The following HHLA2 variants were observed in gnomAD, a reference collection of about 807,000 sequenced individuals.
The protein encoded by HHLA2 is HHLA2 member of B7 family.
Under a neutral mutation model 45.9 loss-of-function variants are expected in HHLA2, and 48 were observed. That is an observed-to-expected ratio of 1.05 (90% confidence interval 0.83 to 1.33). HHLA2 has a LOEUF of 1.33. HHLA2 is among the 40% of genes most tolerant of loss of function. HHLA2 has a pLI of 0.00. For missense variants in HHLA2, 462 were observed against 494.3 expected (o/e 0.93, Z 0.62); for synonymous variants, 161 against 173.9 (o/e 0.93, Z 0.59).
At chr3:108,323,551 C>T (rs1361370785) in intron 2 of HHLA2, among the ~76,000 whole-genome samples, 2 of 152,150 alleles carry the variant, frequency 1.3e-5, no homozygotes, top group Admixed American at 1.3e-4. Context: ...TCTCTTCACA[C>T]CTTGTCAACA....
intron 6 of HHLA2, among the ~76,000 whole-genome samples, chr3:108,357,526 A>AT (rs1283577643): frequency 5.3e-5 from 8 of 152,232 alleles, no homozygotes; most frequent in East Asian, 1.9e-4. Flanking sequence ...ATTGAGTTTA[A>AT]TAGGCTAGTA....
chr3:108,357,819 GT>G (rs758145952), intron 6 of HHLA2, 24 bp from the exon 6 acceptor site: 79 of 1,550,702 alleles, frequency 5.1e-5, no homozygotes, highest in Admixed American at 3.1e-4. Context: ...CTTCATTGAT[GT>G]TTTCTTTTCT....
In HHLA2 at chr3:108,312,323, C is replaced by A. The variant is rs534619601; in HGVS notation, c.-105+1582C>A. Among the ~76,000 whole-genome samples the A allele has an allele frequency of 2.0e-5, 3 of 152,360 alleles. No homozygotes were observed. The East Asian group carries it at 5.8e-4, about 29-fold the overall frequency. ...TTTTCTGTAAGATAATAAATTTCTT[C>A]TTTATCAAAAACCTGTGGTGTTTCT... On this transcript the variant is annotated intron_variant, in intron 2 of 10. Transcript: ENST00000619531.
intron 3 of HHLA2, among the ~76,000 whole-genome samples, chr3:108,343,882 C>T (rs1421498205): frequency 6.6e-6 from 1 of 152,190 alleles, no homozygotes; most frequent in Non-Finnish European, 1.5e-5. Context: ...TTTCCAGCTT[C>T]GTAATTCAGT....
chr3:108,327,115 T>C (rs2107365373), intron 2 of HHLA2, among the ~76,000 whole-genome samples: 1 of 152,312 alleles, frequency 6.6e-6, no homozygotes, highest in East Asian at 1.9e-4. Flanking sequence ...CAATTTTGGG[T>C]TGGAAGTCCT....
chr3:108,310,263 G>A (rs1317038484), intron 1 of HHLA2, among the ~76,000 whole-genome samples: 4 of 152,046 alleles, frequency 2.6e-5, no homozygotes, highest in South Asian at 2.1e-4. Context: ...GATATTTATA[G>A]GAAAAACAAG....
chr3:108,300,961 A>G (rs2080838569), intron 1 of HHLA2, among the ~76,000 whole-genome samples: 1 of 152,174 alleles, frequency 6.6e-6, no homozygotes, highest in East Asian at 1.9e-4. Flanking sequence ...CAGCTGAAAT[A>G]TTTCATAGCA....
intron 3 of HHLA2, among the ~76,000 whole-genome samples, chr3:108,345,614 A>C (rs1296895515): frequency 1.3e-5 from 2 of 152,174 alleles, no homozygotes; most frequent in Non-Finnish European, 2.9e-5. Context: ...GGGAAAGCCA[A>C]CTTCAACATG....
chr3:108,361,218 C>G (rs1265271054), intron 7 of HHLA2, among the ~76,000 whole-genome samples: 4 of 152,192 alleles, frequency 2.6e-5, no homozygotes, highest in Non-Finnish European at 4.4e-5. Context: ...GTTTGTTACA[C>G]AAAGTCAACC....
intron 8 of HHLA2, among the ~76,000 whole-genome samples, chr3:108,364,168 A>T (rs1446151855): frequency 6.6e-6 from 1 of 151,860 alleles, no homozygotes; most frequent in African/African-American, 2.4e-5. Context: ...AACAGGCCCC[A>T]GTGTGTGATG....
At chr3:108,378,185 C>G (rs963684466) in exon 11 of HHLA2, 2 of 152,222 alleles carry the variant, frequency 1.3e-5, no homozygotes, top group African/African-American at 4.8e-5. Context: ...AACCCAAAAC[C>G]TATAAGAACT....
At chr3:108,322,440 T>G (rs1369377480) in intron 2 of HHLA2, among the ~76,000 whole-genome samples, 6 of 152,162 alleles carry the variant, frequency 3.9e-5, no homozygotes, top group Admixed American at 3.9e-4. Context: ...TTAAATCGTT[T>G]AAGAGTCTGA....
At position 108,366,933 on chromosome 3, in the gene HHLA2, A is replaced by T. The variant is rs2082074530; in HGVS notation, c.1108+4487A>T. On this transcript the variant is annotated intron_variant, in intron 8 of 10. Coordinates refer to ENST00000619531, the Ensembl canonical transcript of HHLA2. ...TTTCAAAATAGCAGCTCCTGGGTTG[A>T]CAGACACCTCATACAGGAGATCTCC... Among the ~76,000 whole-genome samples, 4 of 152,148 alleles carry T rather than the reference A, an allele frequency of 2.6e-5. No individual in the cohort carries two copies. In the South Asian group the frequency reaches 8.3e-4, roughly 32 times the overall value.
chr3:108,320,418 G>A (rs1411573469), intron 2 of HHLA2, among the ~76,000 whole-genome samples: 5 of 152,206 alleles, frequency 3.3e-5, no homozygotes, highest in East Asian at 1.9e-4. Context: ...AAGCAATTGC[G>A]GTTTTTGTCA....
intron 2 of HHLA2, chr3:108,325,389 C>A: frequency 3.2e-6 from 1 of 309,084 alleles, no homozygotes; most frequent in Non-Finnish European, 6.2e-6. Flanking sequence ...ATCTTTGTAG[C>A]AGGTAGGCCT....
At chr3:108,349,843 T>C (rs952003990) in intron 3 of HHLA2, among the ~76,000 whole-genome samples, 1 of 152,096 alleles carries the variant, frequency 6.6e-6, no homozygotes, top group Non-Finnish European at 1.5e-5. Flanking sequence ...GGAAAAGAGA[T>C]GAGAACAGGG....
At chr3:108,320,490 T>G (rs2081179737) in intron 2 of HHLA2, among the ~76,000 whole-genome samples, 1 of 152,232 alleles carries the variant, frequency 6.6e-6, no homozygotes. Flanking sequence ...CCTCCTGCAT[T>G]TGCTGATTCT....
chr3:108,362,490 G>C (rs199554384), intron 8 of HHLA2, 44 bp downstream of exon 7: 1 of 1,212,798 alleles, frequency 8.2e-7, no homozygotes, highest in African/African-American at 1.5e-5. Flanking sequence ...TCCACATCAC[G>C]TATATTAAAG....
rs1408264606 is a variant in HHLA2, at chr3:108,361,892, G to A, written c.1004-450G>A. Among the ~76,000 whole-genome samples, 4 of 152,000 alleles carry A rather than the reference G, an allele frequency of 2.6e-5. No individual in the cohort carries two copies. In the South Asian group the frequency reaches 8.3e-4, roughly 32 times the overall value. On this transcript the variant is annotated intron_variant, in intron 7 of 10. Coordinates refer to ENST00000619531, the Ensembl canonical transcript of HHLA2. ...ACTGCACTCTTACTTCATCCTCCAA[G>A]GTGAACACTGGGCTGAGGCTAATTT...
Sources: allele counts gnomAD v4.1 joint callset (sites outside exome capture counted in the v4.1 genomes callset), GRCh38; gene constraint gnomAD v4.1.1; transcripts MANE v1.5; gene names NCBI Gene and HGNC (gene_info 2026-07-23, HGNC 2026-07-21).